The following CNTN5 variants were observed in gnomAD, a reference collection of about 807,000 sequenced individuals.
The protein encoded by CNTN5 is contactin 5, also known as contactin-5.
CNTN5 carries 77 observed loss-of-function variants against 129.1 expected under a neutral mutation model. That is an observed-to-expected ratio of 0.60 (90% CI 0.50 to 0.72). The LOEUF is 0.72. Among genes scored for constraint, CNTN5 ranks in the 30% least tolerant of loss-of-function variants. The pLI is 0.00. For synonymous variants in CNTN5, 509 were observed against 465.6 expected (o/e 1.09, Z -1.20); for missense variants, 1,478 against 1,328.8 (o/e 1.11, Z -1.75).
intron 6 of CNTN5, among the ~76,000 whole-genome samples, chr11:99,864,250 A>G (rs1244037609): frequency 6.6e-6 from 1 of 152,114 alleles, no homozygotes; most frequent in African/African-American, 2.4e-5. Context: ...CCAGATATTA[A>G]CTGAACACTT....
At chr11:99,321,788 G>A (rs1244543759) in intron 1 of CNTN5, among the ~76,000 whole-genome samples, 1 of 152,108 alleles carries the variant, frequency 6.6e-6, no homozygotes, top group Non-Finnish European at 1.5e-5. Flanking sequence ...TTGCTGGAAG[G>A]TTGAGATTTC....
At chr11:99,901,153 A>G (rs980682693) in intron 6 of CNTN5, among the ~76,000 whole-genome samples, 6 of 152,210 alleles carry the variant, frequency 3.9e-5, no homozygotes, top group Non-Finnish European at 5.9e-5. Flanking sequence ...TGTGGCAGGT[A>G]GTGAGTATTC....
intron 15 of CNTN5, among the ~76,000 whole-genome samples, chr11:100,220,220 T>A (rs1195927319): frequency 6.6e-6 from 1 of 151,522 alleles, no homozygotes; most frequent in African/African-American, 2.4e-5. Context: ...GAGCTTGCAG[T>A]GAGCCAAGAT....
rs577427139 is a variant in CNTN5, at chr11:100,042,599, T to C, written c.981-18613T>C. On this transcript the variant is annotated intron_variant, in intron 9 of 24. Transcript: ENST00000524871. ...CTTCTGCCTTGACAGATTCTACACA[T>C]TACCTCATCATATGTATAAAAATGA... Among the ~76,000 whole-genome samples the C allele has an allele frequency of 2.6e-5, 4 of 152,338 alleles. No homozygotes were observed. In the South Asian group the frequency reaches 6.2e-4, roughly 24 times the overall value.
intron 4 of CNTN5, among the ~76,000 whole-genome samples, chr11:99,841,258 T>C (rs1399854151): frequency 6.6e-6 from 1 of 152,104 alleles, no homozygotes; most frequent in East Asian, 1.9e-4. Context: ...AATAATAAAA[T>C]ATATGTTCAG....
At chr11:100,124,128 G>A (rs140558128) in intron 13 of CNTN5, among the ~76,000 whole-genome samples, 1 of 152,008 alleles carries the variant, frequency 6.6e-6, no homozygotes, top group East Asian at 1.9e-4. Context: ...ACCCTCTGAG[G>A]GCAGTACTGT....
Position 100,205,009 on chromosome 11 carries a change from T to C in CNTN5, c.1884+11346T>C, listed in dbSNP as rs962447265. Among the ~76,000 whole-genome samples, 3 of 152,060 alleles carry C rather than the reference T, an allele frequency of 2.0e-5. No homozygotes were observed. In the East Asian group the frequency reaches 5.8e-4, roughly 29 times the overall value. ...TCTTTTTAGTTTTTTGAAAGCCTTCTTAGATAAAAGATTGTTCCTATTATT... is the reference window on the plus strand; with the variant it reads ...TCTTTTTAGTTTTTTGAAAGCCTTCCTAGATAAAAGATTGTTCCTATTATT... On this transcript the variant is annotated intron_variant, in intron 15 of 24. Coordinates refer to ENST00000524871, the MANE Select transcript of CNTN5 (RefSeq NM_014361.4).
chr11:99,759,122 A>G (rs528048878), intron 3 of CNTN5, among the ~76,000 whole-genome samples: 1 of 152,056 alleles, frequency 6.6e-6, no homozygotes, highest in Non-Finnish European at 1.5e-5. Context: ...TCTCCCCATT[A>G]TGCAGAAGAA....
chr11:99,165,897 G>A (rs189854240), intron 1 of CNTN5, among the ~76,000 whole-genome samples: 56 of 152,212 alleles, frequency 3.7e-4, no homozygotes, highest in Non-Finnish European at 6.8e-4. Flanking sequence ...ACTTAGACCC[G>A]TCATCTGAGG....
intron 3 of CNTN5, among the ~76,000 whole-genome samples, chr11:99,559,582 A>T (rs1472941280): frequency 6.6e-6 from 1 of 152,192 alleles, no homozygotes; most frequent in Non-Finnish European, 1.5e-5. Flanking sequence ...ATACAGATTG[A>T]TGGGAACTCT....
intron 3 of CNTN5, among the ~76,000 whole-genome samples, chr11:99,754,097 A>C (rs1458396746): frequency 6.6e-6 from 1 of 152,126 alleles, no homozygotes; most frequent in Admixed American, 6.5e-5. Context: ...TTTAGGTCAT[A>C]GGTAGTGGTG....
intron 2 of CNTN5, among the ~76,000 whole-genome samples, chr11:99,522,530 A>T (rs1486476526): frequency 6.6e-6 from 1 of 152,166 alleles, no homozygotes; most frequent in Non-Finnish European, 1.5e-5. Flanking sequence ...AAGAAGGAAT[A>T]AAAAGATACT....
chr11:100,322,858 T>C (rs1314922019), intron 21 of CNTN5, among the ~76,000 whole-genome samples: 1 of 152,178 alleles, frequency 6.6e-6, no homozygotes, highest in Non-Finnish European at 1.5e-5. Flanking sequence ...TTTAAAAATA[T>C]CTGATATATA....
At chr11:100,091,680 G>A (rs1372244814) in intron 13 of CNTN5, among the ~76,000 whole-genome samples, 1 of 151,726 alleles carries the variant, frequency 6.6e-6, no homozygotes, top group Non-Finnish European at 1.5e-5. Flanking sequence ...ACCCAACTCG[G>A]TCTACCAAAG....
chr11:99,039,971 C>A (rs974488935), intron 1 of CNTN5, among the ~76,000 whole-genome samples: 1 of 152,052 alleles, frequency 6.6e-6, no homozygotes, highest in Admixed American at 6.5e-5. Context: ...TAATTTTAGG[C>A]AATAGATTAT....
intron 3 of CNTN5, among the ~76,000 whole-genome samples, chr11:99,808,076 G>T (rs376764219): frequency 6.6e-6 from 1 of 152,060 alleles, no homozygotes; most frequent in East Asian, 1.9e-4. Flanking sequence ...GTACTATACT[G>T]CTTTGAATTG....
chr11:99,104,614 G>GTT (rs756809666), intron 1 of CNTN5, among the ~76,000 whole-genome samples: 60 of 114,728 alleles, frequency 5.2e-4, no homozygotes, highest in Admixed American at 1.6e-3. Flanking sequence ...TACAATGTGT[G>GTT]TGTATATATA....
chr11:99,170,093 T>C (rs1305332556), intron 1 of CNTN5, among the ~76,000 whole-genome samples: 3 of 152,162 alleles, frequency 2.0e-5, no homozygotes, highest in African/African-American at 7.2e-5. Flanking sequence ...ATTTTATTTG[T>C]TTATTTTGCA....
intron 1 of CNTN5, among the ~76,000 whole-genome samples, chr11:99,200,996 A>G (rs1399398572): frequency 2.2e-5 from 3 of 136,088 alleles, no homozygotes; most frequent in East Asian, 2.2e-4. Flanking sequence ...TTGCCTGCCC[A>G]CCTGCCTTCC....
Sources: gnomAD v4.1 joint callset for allele counts (sites outside exome capture counted in the v4.1 genomes callset) on GRCh38, gnomAD v4.1.1 for gene constraint, MANE v1.5 for transcripts, NCBI Gene and HGNC (gene_info 2026-07-23, HGNC 2026-07-21) for gene names.